Variants in XPNPEP1 observed in about 807,000 individuals in gnomAD.
XPNPEP1 encodes xaa-Pro aminopeptidase 1.
In XPNPEP1, 39 loss-of-function variants were observed where a neutral mutation model predicts 92.4. The ratio of observed to expected loss-of-function variants is 0.42; its 90% CI spans 0.33 to 0.55. The LOEUF (loss-of-function observed/expected upper bound fraction) is 0.55, where lower values mean the gene tolerates loss of function less well. Ranked by LOEUF, XPNPEP1 falls within the 20% of genes least tolerant of loss-of-function variation. The pLI, the probability that XPNPEP1 is intolerant of heterozygous loss-of-function variation, is 0.08. For missense variants in XPNPEP1, 654 were observed against 856.1 expected (o/e 0.76, Z 2.95); for synonymous variants, 307 against 299.4 (o/e 1.03, Z -0.26).
At chr10:109,890,173 C>A (rs937247213) in intron 5 of XPNPEP1, among the ~76,000 whole-genome samples, 1 of 152,118 alleles carries the variant, frequency 6.6e-6, no homozygotes, top group Non-Finnish European at 1.5e-5. Flanking sequence ...TCTGCCACCC[C>A]CTTGCTGCCA....
chr10:109,892,509 T>A, intron 4 of XPNPEP1: 1 of 159,000 alleles, frequency 6.3e-6, no homozygotes, highest in Non-Finnish European at 1.4e-5. Context: ...GAGTCCACCC[T>A]AAAACTCAAA....
At chr10:109,882,756 CT>C in intron 9 of XPNPEP1, 114 bp from the exon 10 acceptor site, 1 of 1,084,992 alleles carries the variant, frequency 9.2e-7, no homozygotes, top group Admixed American at 2.2e-5. Flanking sequence ...AACCAAGCCC[CT>C]TTTCTCTCCT....
At chr10:109,922,787 A>G (rs1850618429) in intron 1 of XPNPEP1, among the ~76,000 whole-genome samples, 1 of 152,178 alleles carries the variant, frequency 6.6e-6, no homozygotes, top group Non-Finnish European at 1.5e-5. Flanking sequence ...TGAGGCCGGG[A>G]AATTATCTGT....
rs749228352 is a variant in XPNPEP1, at chr10:109,893,024, C to G, written c.298G>C (p.Asp100His). ...DCRRAFVSGF[D>H]GSAGTAIITE... ...AGTAGTGACTCACCCGCAGAGCCATCGAATCCAGAGACAAAAGCCCGCCGA... is the reference window on the plus strand; with the variant it reads ...AGTAGTGACTCACCCGCAGAGCCATGGAATCCAGAGACAAAAGCCCGCCGA... Residue 100 changes from aspartate (D) to histidine (H), a missense_variant, in exon 4 of 21, where the codon GAT becomes CAT. By Grantham distance (81) the Asp-to-His change is moderately conservative (BLOSUM62 -1). Transcript: ENST00000502935. 6 of 1,613,686 alleles carry G rather than the reference C, an allele frequency of 3.7e-6. No homozygotes were observed. In the African/African-American group the frequency reaches 6.7e-5, roughly 18 times the overall value.
chr10:109,890,732 A>C (rs1267176280), intron 5 of XPNPEP1, among the ~76,000 whole-genome samples: 1 of 152,188 alleles, frequency 6.6e-6, no homozygotes, highest in Non-Finnish European at 1.5e-5. Flanking sequence ...CAATGCCAAG[A>C]CAAAAATGTT....
Position 109,878,010 on chromosome 10 carries a change from C to T in XPNPEP1, c.1231G>A (p.Glu411Lys), listed in dbSNP as rs751049646. The T allele has an allele frequency of 6.2e-7, 1 of 1,614,242 alleles. No homozygotes were observed. Among genetic ancestry groups the T allele is most frequent in the South Asian group, 1.1e-5 (1 of 91,088 alleles). ...TEISAADKAE[E>K]FRRQQADFVD... ...CAAATGGATCCTTACCTGCGAAACT[C>T]CTCAGCTTTGTCAGCAGCTGAGATC... Residue 411 changes from glutamate (E) to lysine (K), a missense_variant, in exon 13 of 21, where the codon GAG becomes AAG. By Grantham distance (56) the Glu-to-Lys change is moderately conservative (BLOSUM62 1). Coordinates refer to ENST00000502935, the MANE Select transcript of XPNPEP1 (RefSeq NM_020383.4).
At position 109,888,534 on chromosome 10, in the gene XPNPEP1, C is replaced by T. The variant is rs770046213; in HGVS notation, c.477G>A (p.Arg159=). The part of the protein sequence containing the change: ...WLVSVLPEGS[R]VGVDPLIIPT... ...GAATGATCAAGGGGTCCACACCAACCCTGGATCCTTCAGGAAGCACACTCA... is the reference window on the plus strand; with the variant it reads ...GAATGATCAAGGGGTCCACACCAACTCTGGATCCTTCAGGAAGCACACTCA... The change falls in exon 6 of 21, where the codon AGG becomes AGA. Residue 159 remains arginine (R), a synonymous_variant. Coordinates refer to ENST00000502935, the MANE Select transcript of XPNPEP1 (RefSeq NM_020383.4). 6.2e-7 allele frequency: 1 copy of T among 1,612,126 alleles called. No individual in the cohort carries two copies. Among genetic ancestry groups the T allele is most frequent in the South Asian group, 1.1e-5 (1 of 90,468 alleles).
intron 20 of XPNPEP1, 68 bp downstream of exon 20, chr10:109,868,546 T>A: frequency 7.7e-7 from 1 of 1,300,702 alleles, no homozygotes; most frequent in Non-Finnish European, 1.1e-6. Flanking sequence ...AGAGGATGGA[T>A]TAGAACTATT....
chr10:109,922,908 G>T (rs1359161736), intron 1 of XPNPEP1, among the ~76,000 whole-genome samples: 1 of 152,244 alleles, frequency 6.6e-6, no homozygotes, highest in East Asian at 1.9e-4. Flanking sequence ...TGGGTAGGGA[G>T]GGGCCCGCGA....
chr10:109,874,766 G>A (rs1292348514), intron 15 of XPNPEP1, among the ~76,000 whole-genome samples: 1 of 152,134 alleles, frequency 6.6e-6, no homozygotes, highest in African/African-American at 2.4e-5. Context: ...TGGCTAACAT[G>A]GTGAAACCCC....
At chr10:109,909,347 G>T (rs891466567) in intron 2 of XPNPEP1, among the ~76,000 whole-genome samples, 1 of 152,180 alleles carries the variant, frequency 6.6e-6, no homozygotes, top group Admixed American at 6.5e-5. Flanking sequence ...GGCTCCAGGG[G>T]AGTCTACCAT....
At chr10:109,877,498 A>G in intron 14 of XPNPEP1, 1 of 345,906 alleles carries the variant, frequency 2.9e-6, no homozygotes. Flanking sequence ...TCAAGATGCA[A>G]GGGCTATGCA....
At chr10:109,878,179 C>A in intron 12 of XPNPEP1, 121 bp from the exon 13 acceptor site, 3 of 1,028,756 alleles carry the variant, frequency 2.9e-6, no homozygotes, top group Non-Finnish European at 4.5e-6. Context: ...ACTGACCAAT[C>A]TACAGGACAC....
At chr10:109,905,740 ACTGTTCAG>A (rs1849524605) in intron 3 of XPNPEP1, among the ~76,000 whole-genome samples, 1 of 152,232 alleles carries the variant, frequency 6.6e-6, no homozygotes, top group Non-Finnish European at 1.5e-5. Context: ...ATAAAAAAAC[ACTGTTCAG>A]CTCATTTCAC....
chr10:109,888,597 T>C lies in XPNPEP1; in HGVS notation c.416-2A>G. 1 of 1,596,214 alleles carries C rather than the reference T, an allele frequency of 6.3e-7. No individual in the cohort carries two copies. The highest frequency in any genetic ancestry group is 1.1e-5 in the South Asian group (1 of 88,466). ...CCTGAGTTGGTGTGTCCTTCAGACC[T>C]ACAGGGGGAAGAAATGATAAGAAAC... On this transcript the variant is annotated splice_acceptor_variant, in intron 5 of 20. Transcript: ENST00000502935. LOFTEE classifies it high-confidence loss of function.
intron 8 of XPNPEP1, chr10:109,884,357 T>C (rs1848274531): frequency 3.7e-6 from 2 of 543,200 alleles, no homozygotes; most frequent in African/African-American, 1.9e-5. Context: ...ACCAGAGCTG[T>C]TTCTCAGGCT....
At position 109,888,600 on chromosome 10, in the gene XPNPEP1, A is replaced by G. The variant is rs763172459; in HGVS notation, c.416-5T>C. 7 of 1,592,746 alleles carry G rather than the reference A, an allele frequency of 4.4e-6. No individual in the cohort carries two copies. The highest frequency in any genetic ancestry group is 3.5e-5 in the Admixed American group (2 of 57,610). On this transcript the variant is annotated splice_region_variant and splice_polypyrimidine_tract_variant and intron_variant, in intron 5 of 20. Transcript: ENST00000502935. ...GAGTTGGTGTGTCCTTCAGACCTACAGGGGGAAGAAATGATAAGAAACAAT... is the reference window on the plus strand; with the variant it reads ...GAGTTGGTGTGTCCTTCAGACCTACGGGGGGAAGAAATGATAAGAAACAAT...
rs1847056947 is a variant in XPNPEP1 at position 109,865,068 on chromosome 10, A to G, written c.*116T>C. On this transcript the variant is annotated 3_prime_UTR_variant, in exon 21 of 21. Coordinates refer to ENST00000502935, the MANE Select transcript of XPNPEP1 (RefSeq NM_020383.4). ...AGATTTTCTGTTCTTCTTAAAGTCT[A>G]AAGTAAAAAGGGGAGGTAGGGAAGA... 2.8e-6 allele frequency: 4 copies of G among 1,429,880 alleles called. No individual in the cohort carries two copies. Among genetic ancestry groups the G allele is most frequent in the Non-Finnish European group, 3.8e-6 (4 of 1,045,458 alleles). The allele number at this position is 1,429,880 out of a possible 1,614,324, so 88.6% of individuals were successfully genotyped here. A position where few individuals can be genotyped will look rare whatever the true frequency, so the allele number is the denominator to read the frequency against.
chr10:109,891,578 A>AT (rs112429910), intron 5 of XPNPEP1, 144 bp downstream of exon 5: 21,412 of 481,728 alleles, frequency 0.044, no homozygotes, highest in East Asian at 0.056. Context: ...TAGGCATGCC[A>AT]TTTTTTTTTT....
Sources: allele counts gnomAD v4.1 joint callset (sites outside exome capture counted in the v4.1 genomes callset), GRCh38; gene constraint gnomAD v4.1.1; transcripts MANE v1.5; gene names NCBI Gene and HGNC (gene_info 2026-07-23, HGNC 2026-07-21).